The following ING1 variants were observed in gnomAD, a reference collection of about 807,000 sequenced individuals.
The protein encoded by ING1 is inhibitor of growth family member 1, also known as inhibitor of growth protein 1.
In ING1, 4 loss-of-function variants were observed where a neutral mutation model predicts 23.1. That is an observed-to-expected ratio of 0.17 (90% CI 0.09 to 0.40). The LOEUF is 0.40. Ranked by LOEUF, ING1 falls within the 10% of genes least tolerant of loss-of-function variation. The pLI is 1.00. For synonymous variants in ING1, 179 were observed against 166.4 expected (o/e 1.08, Z -0.58); for missense variants, 256 against 393.8 (o/e 0.65, Z 2.96).
Position 110,719,397 on chromosome 13 carries a change from G to T in ING1, c.305G>T (p.Arg102Leu). Residue 102 changes from arginine (R) to leucine (L), a missense_variant, in exon 2 of 2, where the codon CGC (arginine) becomes CTC (leucine). Around this residue, in one of 3 missense-constraint regions of ING1, gnomAD observed 209 missense variants for 273.8 expected, o/e 0.76. Coordinates refer to ENST00000333219, the MANE Select transcript of ING1 (RefSeq NM_198219.3). The surrounding 1 kb of genome is among the most constrained non-coding windows in gnomAD (Gnocchi z 8.9). ...CAGATGGTGGAGCTGGTGGAGAACC[G>T]CACGCGGCAGGTGGACAGCCACGTG... ...VSQMVELVEN[R>L]TRQVDSHVEL... The T allele has an allele frequency of 6.2e-7, 1 of 1,610,496 alleles. No homozygotes were observed.
chr13:110,719,327 A>T lies in ING1; in HGVS notation c.235A>T (p.Ile79Phe). 1 of 1,609,078 alleles carries T rather than the reference A, an allele frequency of 6.2e-7. No homozygotes were observed. The highest frequency in any genetic ancestry group is 8.5e-7 in the Non-Finnish European group (1 of 1,179,846). ...GCTGCACTGTGTGCAGCGCGCGCTG[A>T]TCCGCAGCCAGGAGCTGGGCGACGA... ...RMLHCVQRALIRSQELGDEKI... is the reference protein window; with the variant it reads ...RMLHCVQRALFRSQELGDEKI... Residue 79 changes from isoleucine to phenylalanine, a missense_variant, in exon 2 of 2, where the codon ATC becomes TTC. Physicochemically the swap from Ile to Phe is conservative, Grantham distance 21. Around this residue, in one of 3 missense-constraint regions of ING1, gnomAD observed 209 missense variants for 273.8 expected, o/e 0.76. Transcript: ENST00000333219. This position sits in a 1 kb window ranked among gnomAD's most constrained non-coding sequence, Gnocchi z 8.9.
Position 110,721,816 on chromosome 13 carries a change from C to G in ING1, c.*1884C>G, listed in dbSNP as rs2064173905. The G allele has an allele frequency of 6.6e-6, 1 of 152,080 alleles. No homozygotes were observed. The highest frequency in any genetic ancestry group is 2.4e-5 in the African/African-American group (1 of 41,396). The allele number at this position is 152,080 out of a possible 1,614,324, so 9.4% of individuals were successfully genotyped here. On this transcript the variant is annotated 3_prime_UTR_variant, in exon 2 of 2. Transcript: ENST00000333219. Reference sequence around the variant, plus strand: ...GTCTCGAGCTCTTGACCATGATCCGCCCACCTCGGCCTCCCACAGTGCTGG... The same window carrying G: ...GTCTCGAGCTCTTGACCATGATCCGGCCACCTCGGCCTCCCACAGTGCTGG...
rs1394578776 is a variant in ING1, at chr13:110,722,969, G to A, written c.*3037G>A. On this transcript the variant is annotated 3_prime_UTR_variant, in exon 2 of 2. Transcript: ENST00000333219. ...TTTGAAAAATAGATTACTGAAAAGC[G>A]ATCTAATATAGAACAGTTGCTTTTA... The A allele has an allele frequency of 3.3e-5, 5 of 152,198 alleles. No homozygotes were observed. The highest frequency in any genetic ancestry group is 7.3e-5 in the Non-Finnish European group (5 of 68,040). The allele number at this position is 152,198 out of a possible 1,614,324, so 9.4% of individuals were successfully genotyped here. A position where few individuals can be genotyped will look rare whatever the true frequency, so the allele number is the denominator to read the frequency against.
rs138833737 is a variant in ING1 at position 110,719,869 on chromosome 13, G to T, written c.777G>T (p.Glu259Asp). The T allele has an allele frequency of 2.0e-5, 33 of 1,613,060 alleles. No individual in the cohort carries two copies. The highest frequency in any genetic ancestry group is 2.8e-5 in the Non-Finnish European group (33 of 1,179,822). The change falls in exon 2 of 2, where the codon GAG becomes GAT. Residue 259 changes from glutamate (E) to aspartate (D), a missense_variant. Physicochemically the swap from Glu to Asp is conservative, Grantham distance 45 (BLOSUM62 2). Around this residue, in one of 3 missense-constraint regions of ING1, gnomAD observed 22 missense variants for 24.2 expected, o/e 0.91. Transcript: ENST00000333219. The surrounding 1 kb of genome is among the most constrained non-coding windows in gnomAD (Gnocchi z 8.9). ...GKWYCPKCRG[E>D]NEKTMDKALE... is the part of the protein sequence containing the mutation. ...GGTACTGTCCCAAGTGCCGGGGGGA[G>T]AACGAGAAGACCATGGACAAAGCCC...
chr13:110,719,881 C>T lies in ING1; in HGVS notation c.789C>T (p.Thr263=). The stretch of plus-strand genomic sequence containing the variant: ...AGTGCCGGGGGGAGAACGAGAAGAC[C>T]ATGGACAAAGCCCTGGAGAAATCCA... The part of the protein sequence containing the change: ...CPKCRGENEK[T]MDKALEKSKK... The change falls in exon 2 of 2, where the codon ACC becomes ACT. Residue 263 remains threonine, a synonymous_variant. Transcript: ENST00000333219. The surrounding 1 kb of genome is among the most constrained non-coding windows in gnomAD (Gnocchi z 8.9). 6.2e-7 allele frequency: 1 copy of T among 1,612,738 alleles called. No individual in the cohort carries two copies. Among genetic ancestry groups the T allele is most frequent in the Non-Finnish European group, 8.5e-7 (1 of 1,179,706 alleles).
intron 1 of ING1, among the ~76,000 whole-genome samples, chr13:110,716,202 G>C (rs1472666355): frequency 2.6e-5 from 4 of 152,238 alleles, no homozygotes; most frequent in Non-Finnish European, 5.9e-5. Flanking sequence ...GGTTCCAGCT[G>C]TCCAGACAGC....
Position 110,721,170 on chromosome 13 carries a change from C to T in ING1, c.*1238C>T, listed in dbSNP as rs753148419. On this transcript the variant is annotated 3_prime_UTR_variant, in exon 2 of 2. Transcript: ENST00000333219. ...AACCATTTGACTTGACAAGCCAAAA[C>T]TATTTTCTGGCCCTCTGCAGAAAGG... 6.1e-6 allele frequency: 1 copy of T among 163,286 alleles called. No individual in the cohort carries two copies. The highest frequency in any genetic ancestry group is 1.5e-5 in the Non-Finnish European group (1 of 68,096). 10.1% of individuals were successfully genotyped at this position (163,286 alleles called of 1,614,324 possible). A position where few individuals can be genotyped will look rare whatever the true frequency, so the allele number is the denominator to read the frequency against.
intron 1 of ING1, among the ~76,000 whole-genome samples, chr13:110,718,623 A>T (rs917824695): frequency 1.3e-5 from 2 of 152,186 alleles, no homozygotes; most frequent in Non-Finnish European, 2.9e-5. Context: ...ATATAAATTT[A>T]TACACATTCT....
chr13:110,715,547 G>T (rs1282265581), intron 1 of ING1: 24 of 1,614,148 alleles, frequency 1.5e-5, no homozygotes, highest in Non-Finnish European at 1.9e-5. Context: ...CTGTGTTTCC[G>T]CTGTCTTCTT....
In ING1 at chr13:110,714,124, G is replaced by T; in HGVS notation, c.-26G>T. On this transcript the variant is annotated 5_prime_UTR_variant, in exon 1 of 2. Transcript: ENST00000333219. ...TGGAGGAAGCGGAAAGCCGCGCCGAGTCGCCGGGGACCTCCGGGGTGAACC... is the reference window on the plus strand; with the variant it reads ...TGGAGGAAGCGGAAAGCCGCGCCGATTCGCCGGGGACCTCCGGGGTGAACC... 6.6e-7 allele frequency: 1 copy of T among 1,508,312 alleles called. No individual in the cohort carries two copies. 93.4% of individuals were successfully genotyped at this position (1,508,312 alleles called of 1,614,324 possible).
rs918393471 is a variant in ING1 at position 110,722,007 on chromosome 13, T to C, written c.*2075T>C. 2.0e-5 allele frequency: 3 copies of C among 152,240 alleles called. No homozygotes were observed. Among genetic ancestry groups the C allele is most frequent in the Non-Finnish European group, 4.4e-5 (3 of 68,042 alleles). 9.4% of individuals were successfully genotyped at this position (152,240 alleles called of 1,614,324 possible). A position where few individuals can be genotyped will look rare whatever the true frequency, so the allele number is the denominator to read the frequency against. On this transcript the variant is annotated 3_prime_UTR_variant, in exon 2 of 2. Transcript: ENST00000333219. ...TTCTAGAATCTAAGTATATGGCATG[T>C]ATTTATTATAAGTAAAACATTAAGT...
intron 1 of ING1, among the ~76,000 whole-genome samples, chr13:110,717,584 T>C (rs1433914850): frequency 2.6e-5 from 4 of 152,176 alleles, no homozygotes; most frequent in African/African-American, 9.7e-5. Context: ...CCCAGCACCA[T>C]GGGAGACCGA....
chr13:110,715,146 TTGTTGGC>T, intron 1 of ING1: 1 of 1,141,400 alleles, frequency 8.8e-7, no homozygotes, highest in East Asian at 4.5e-5. Flanking sequence ...CCGCCGGGAA[TTGTTGGC>T]TGTTGGGGAA....
At chr13:110,714,998 G>A in intron 1 of ING1, 1 of 992,244 alleles carries the variant, frequency 1.0e-6, no homozygotes, top group Non-Finnish European at 1.2e-6. Context: ...GGCGGGGAAG[G>A]CGCCCATCTG....
chr13:110,713,862 G>C lies in ING1; in HGVS notation c.-288G>C, dbSNP rs2064072173. The C allele has an allele frequency of 1.0e-6, 1 of 981,568 alleles. No individual in the cohort carries two copies. The highest frequency in any genetic ancestry group is 1.2e-6 in the Non-Finnish European group (1 of 828,228). 60.8% of individuals were successfully genotyped at this position (981,568 alleles called of 1,614,324 possible). ...CGGTGTGTGCGCGCTCGTACGCGCG[G>C]CCCCCGGCGCCAGCCCCGCCGCCTG... On this transcript the variant is annotated 5_prime_UTR_variant, in exon 1 of 2. Coordinates refer to ENST00000333219, the MANE Select transcript of ING1 (RefSeq NM_198219.3).
Position 110,715,550 on chromosome 13 carries a change from G to A in ING1, c.136+1265G>A, listed in dbSNP as rs754963890. ...ACTGGTATGGGTCTGTGTTTCCGCT[G>A]TCTTCTTTTTTCTTTTTCGGGGAGG... On this transcript the variant is annotated intron_variant, in intron 1 of 1. Transcript: ENST00000333219. 7 of 1,614,044 alleles carry A rather than the reference G, an allele frequency of 4.3e-6. No homozygotes were observed. The African/African-American group carries it at 8.0e-5, about 18-fold the overall frequency.
At chr13:110,713,498 C>T, upstream of ING1, 1 of 987,104 alleles carries the variant, frequency 1.0e-6, no homozygotes, top group Non-Finnish European at 1.2e-6. Flanking sequence ...CTGTCCCCTC[C>T]GCGACCCTCG....
chr13:110,719,359 C>T lies in ING1; in HGVS notation c.267C>T (p.Ile89=). The T allele has an allele frequency of 6.2e-7, 1 of 1,609,646 alleles. No homozygotes were observed. Among genetic ancestry groups the T allele is most frequent in the African/African-American group, 1.3e-5 (1 of 75,038 alleles). ...GCCAGGAGCTGGGCGACGAGAAGAT[C>T]CAGATCGTGAGCCAGATGGTGGAGC... ...IRSQELGDEK[I]QIVSQMVELV... The change falls in exon 2 of 2, where the codon ATC becomes ATT. Residue 89 remains isoleucine, a synonymous_variant. Coordinates refer to ENST00000333219, the MANE Select transcript of ING1 (RefSeq NM_198219.3). This position sits in a 1 kb window ranked among gnomAD's most constrained non-coding sequence, Gnocchi z 8.9.
upstream of ING1, chr13:110,712,636 C>A: frequency 1.8e-6 from 1 of 552,582 alleles, no homozygotes. Context: ...GGTAGAGGGG[C>A]GACGCGGGGG....
Sources: gnomAD v4.1 joint callset for allele counts (sites outside exome capture counted in the v4.1 genomes callset) on GRCh38, gnomAD v4.1.1 for gene constraint, gnomAD v4.1.1 regional missense constraint, Gnocchi (gnomAD v3.1) non-coding constraint, MANE v1.5 for transcripts, NCBI Gene and HGNC (gene_info 2026-07-23, HGNC 2026-07-21) for gene names.